CDC25C: variants seen among roughly 807,000 people sequenced by gnomAD.
CDC25C encodes the protein cell division cycle 25C.
Under a neutral mutation model 52.5 loss-of-function variants are expected in CDC25C, and 48 were observed. The observed-to-expected ratio is 0.91, with a 90% CI of 0.72 to 1.16. The LOEUF (loss-of-function observed/expected upper bound fraction) is 1.16, where lower values mean the gene tolerates loss of function less well. CDC25C is among the 50% of genes most tolerant of loss of function. The pLI is 0.00. For synonymous variants in CDC25C, 187 were observed against 206.5 expected (o/e 0.91, Z 0.81); for missense variants, 510 against 566.1 (o/e 0.90, Z 1.01).
At chr5:138,334,603 C>T (rs1230170434), upstream of CDC25C, among the ~76,000 whole-genome samples, 2 of 152,160 alleles carry the variant, frequency 1.3e-5, no homozygotes, top group African/African-American at 4.8e-5. Context: ...CCACCCACCT[C>T]GGCCTCCCAA....
At chr5:138,297,162 C>T (rs1001156547) in intron 7 of CDC25C, among the ~76,000 whole-genome samples, 3 of 152,130 alleles carry the variant, frequency 2.0e-5, no homozygotes, top group South Asian at 2.1e-4. Flanking sequence ...TCGCCTGCCT[C>T]GGCCTGCCAA....
intron 3 of CDC25C, 76 bp from the exon 4 acceptor site, chr5:138,328,605 C>T (rs1213415577): frequency 1.7e-6 from 2 of 1,202,466 alleles, no homozygotes; most frequent in African/African-American, 1.5e-5. Flanking sequence ...AGATTTTCTT[C>T]ATTACCAGTA....
At chr5:138,328,774 GTTT>G (rs200899885) in intron 3 of CDC25C, 2 of 284,086 alleles carry the variant, frequency 7.0e-6, no homozygotes, top group Non-Finnish European at 1.3e-5. Flanking sequence ...TACCTATGGA[GTTT>G]TTTTTTTTCT....
At chr5:138,292,759 A>G (rs1756854986) in intron 7 of CDC25C, among the ~76,000 whole-genome samples, 2 of 152,228 alleles carry the variant, frequency 1.3e-5, no homozygotes. Context: ...AGATTAAAGT[A>G]TAAGAGGATA....
chr5:138,319,429 A>C, intron 6 of CDC25C, 55 bp from the exon 7 acceptor site: 1 of 1,353,952 alleles, frequency 7.4e-7, no homozygotes, highest in South Asian at 1.4e-5. Flanking sequence ...AAAGTTCTAA[A>C]TGTAAGAGCT....
chr5:138,320,974 A>T (rs971610474), intron 6 of CDC25C, among the ~76,000 whole-genome samples: 1 of 148,080 alleles, frequency 6.8e-6, no homozygotes, highest in African/African-American at 2.5e-5. Flanking sequence ...ACACACTTGC[A>T]GTCCCACCTA....
At chr5:138,307,313 G>C (rs1240672365) in intron 7 of CDC25C, among the ~76,000 whole-genome samples, 1 of 150,766 alleles carries the variant, frequency 6.6e-6, no homozygotes, top group Non-Finnish European at 1.5e-5. Flanking sequence ...GACCAGCCTG[G>C]GCAACATGGT....
intron 7 of CDC25C, among the ~76,000 whole-genome samples, chr5:138,310,174 C>T (rs543085533): frequency 1.6e-4 from 25 of 152,198 alleles, no homozygotes; most frequent in Non-Finnish European, 3.4e-4. Flanking sequence ...TCTTCCTCAA[C>T]CCCTTGTTCA....
At chr5:138,306,836 T>C (rs1303657751) in intron 7 of CDC25C, among the ~76,000 whole-genome samples, 1 of 151,186 alleles carries the variant, frequency 6.6e-6, no homozygotes. Context: ...AAAATCCCTA[T>C]TCCTTTTCTT....
At chr5:138,301,690 CA>C (rs1194730456) in intron 7 of CDC25C, among the ~76,000 whole-genome samples, 3 of 101,408 alleles carry the variant, frequency 3.0e-5, no homozygotes, top group Admixed American at 1.2e-4. Flanking sequence ...TAGAGGTACA[CA>C]AAAAAAAAAA....
chr5:138,287,182 C>T lies in CDC25C; in HGVS notation c.1013G>A (p.Gly338Glu). The T allele has an allele frequency of 6.2e-7, 1 of 1,612,612 alleles. No homozygotes were observed. The highest frequency in any genetic ancestry group is 8.5e-7 in the Non-Finnish European group (1 of 1,178,694). ...IDCRYPYEYL[G>E]GHIQGALNLY... is the part of the protein sequence containing the mutation. ...ATGTCGTCTCACCTGGATGTGTCCT[C>T]CCAGATACTCATATGGATAGCGACA... Residue 338 changes from glycine (G) to glutamate (E), a missense_variant, in exon 11 of 14, where the codon GGA becomes GAA. Gly to Glu is a moderately conservative substitution (Grantham distance 98). Coordinates refer to ENST00000323760, the MANE Select transcript of CDC25C (RefSeq NM_001790.5).
At position 138,313,833 on chromosome 5, in the gene CDC25C, G is replaced by A. The variant is rs7718866; in HGVS notation, c.615+5386C>T. On this transcript the variant is annotated intron_variant, in intron 7 of 13. Coordinates refer to ENST00000323760, the MANE Select transcript of CDC25C (RefSeq NM_001790.5). The stretch of plus-strand genomic sequence containing the variant: ...TCCTCCTTAGCATCTATAACTCAAT[G>A]TCCAAAACAGAACACATCTATTCCC... Among the ~76,000 whole-genome samples the A allele has an allele frequency of 1.2e-3, 175 of 152,064 alleles. 1 individual carries two copies. Among genetic ancestry groups the A allele is most frequent in the African/African-American group, 3.9e-3 (162 of 41,502 alleles).
chr5:138,286,260 T>A, intron 12 of CDC25C, 127 bp from the exon 13 acceptor site: 1 of 830,108 alleles, frequency 1.2e-6, no homozygotes. Context: ...CCAATCTCCC[T>A]GTGTTTGCAA....
rs576153433 is a variant in CDC25C, at chr5:138,331,768, G to C, written c.-212C>G. 6.2e-6 allele frequency: 6 copies of C among 964,134 alleles called. No individual in the cohort carries two copies. The highest frequency in any genetic ancestry group is 7.4e-6 in the Non-Finnish European group (6 of 809,462). 59.7% of individuals were successfully genotyped at this position (964,134 alleles called of 1,614,324 possible). On this transcript the variant is annotated 5_prime_UTR_variant, in exon 1 of 14. Transcript: ENST00000323760. ...CAACGTCGGACTCAGAGTCTTCCCTGAGCAGAAGGCCAAAGTTACGGCCTC... is the reference window on the plus strand; with the variant it reads ...CAACGTCGGACTCAGAGTCTTCCCTCAGCAGAAGGCCAAAGTTACGGCCTC...
At chr5:138,299,221 C>A (rs2126700062) in intron 7 of CDC25C, among the ~76,000 whole-genome samples, 1 of 120,368 alleles carries the variant, frequency 8.3e-6, no homozygotes, top group Non-Finnish European at 1.7e-5. Context: ...AAAGGCCAGG[C>A]ACAGTGGCTC....
chr5:138,317,627 A>G (rs1283550821), intron 7 of CDC25C, among the ~76,000 whole-genome samples: 1 of 143,846 alleles, frequency 7.0e-6, no homozygotes, highest in Admixed American at 7.6e-5. Flanking sequence ...GCTGCAGTGA[A>G]CTTTAATTGT....
chr5:138,297,146 C>T (rs1757273321), intron 7 of CDC25C, among the ~76,000 whole-genome samples: 1 of 151,760 alleles, frequency 6.6e-6, no homozygotes, highest in African/African-American at 2.4e-5. Flanking sequence ...CTCCCGACCT[C>T]GTGATTCGCC....
chr5:138,307,506 A>G (rs1011916308), intron 7 of CDC25C, among the ~76,000 whole-genome samples: 22 of 150,902 alleles, frequency 1.5e-4, no homozygotes, highest in East Asian at 5.8e-4. Flanking sequence ...AAAAAAAAAA[A>G]AAAAAGAAAA....
At chr5:138,297,742 T>C (rs1321791061) in intron 7 of CDC25C, among the ~76,000 whole-genome samples, 1 of 152,160 alleles carries the variant, frequency 6.6e-6, no homozygotes, top group South Asian at 2.1e-4. Flanking sequence ...AGAAGTAGAC[T>C]AATAAATATA....
Sources: allele counts gnomAD v4.1 joint callset (sites outside exome capture counted in the v4.1 genomes callset), GRCh38; gene constraint gnomAD v4.1.1; transcripts MANE v1.5; gene names NCBI Gene and HGNC (gene_info 2026-07-23, HGNC 2026-07-21).